The following C8orf34 variants were observed in gnomAD, a reference collection of about 807,000 sequenced individuals.
C8orf34 encodes uncharacterized protein C8orf34.
A neutral mutation model predicts 68.3 loss-of-function variants in C8orf34; 65 were observed. That is an observed-to-expected ratio of 0.95 (90% CI 0.78 to 1.17). C8orf34 has a LOEUF of 1.17. Ranked by LOEUF, C8orf34 falls within the 50% of genes most tolerant of loss-of-function variation. The pLI, the probability that C8orf34 is intolerant of heterozygous loss-of-function variation, is 0.00. For missense variants in C8orf34, 664 were observed against 655.4 expected (o/e 1.01, Z -0.14); for synonymous variants, 244 against 241.2 (o/e 1.01, Z -0.11).
At chr8:68,512,170 A>G (rs1368442969) in intron 5 of C8orf34, among the ~76,000 whole-genome samples, 2 of 152,244 alleles carry the variant, frequency 1.3e-5, no homozygotes, top group Non-Finnish European at 2.9e-5. Flanking sequence ...AACACAACTG[A>G]CAAAGAAGTT....
At chr8:68,772,517 G>C (rs545321238) in intron 10 of C8orf34, among the ~76,000 whole-genome samples, 2 of 152,280 alleles carry the variant, frequency 1.3e-5, no homozygotes, top group South Asian at 4.1e-4. Context: ...ACGTTAAGCA[G>C]TAATCACATC....
chr8:68,686,153 C>G (rs372371377), intron 8 of C8orf34, among the ~76,000 whole-genome samples: 18 of 151,898 alleles, frequency 1.2e-4, no homozygotes, highest in African/African-American at 4.1e-4. Flanking sequence ...ACCACCACCA[C>G]CAACAACAGA....
At chr8:68,441,276 A>G (rs1810899439) in intron 2 of C8orf34, among the ~76,000 whole-genome samples, 1 of 152,108 alleles carries the variant, frequency 6.6e-6, no homozygotes, top group African/African-American at 2.4e-5. Context: ...TTCCAAGCTC[A>G]TTTGGGTTGT....
chr8:68,430,858 A>G (rs1276712150), intron 1 of C8orf34, among the ~76,000 whole-genome samples: 2 of 151,926 alleles, frequency 1.3e-5, no homozygotes, highest in Non-Finnish European at 2.9e-5. Flanking sequence ...CAAACAGGCA[A>G]CCCCTCTTCT....
At chr8:68,639,676 A>G (rs1347366369) in intron 7 of C8orf34, among the ~76,000 whole-genome samples, 2 of 152,210 alleles carry the variant, frequency 1.3e-5, no homozygotes, top group Admixed American at 6.6e-5. Context: ...CTGAAAAAGT[A>G]GGAGATCATA....
intron 1 of C8orf34, among the ~76,000 whole-genome samples, chr8:68,379,855 ATTTG>A (rs567298260): frequency 7.4e-4 from 112 of 151,950 alleles, no homozygotes; most frequent in Non-Finnish European, 1.4e-3. Context: ...GTTTTTGTTT[ATTTG>A]TTTGTTTTTC....
At chr8:68,620,665 A>C (rs1453884481) in intron 7 of C8orf34, among the ~76,000 whole-genome samples, 1 of 65,830 alleles carries the variant, frequency 1.5e-5, no homozygotes, top group Non-Finnish European at 4.4e-5. Flanking sequence ...TATCTGTGTC[A>C]AAAAAAAAAA....
chr8:68,634,732 G>A (rs1001201821), intron 7 of C8orf34, among the ~76,000 whole-genome samples: 4 of 152,054 alleles, frequency 2.6e-5, no homozygotes, highest in African/African-American at 9.7e-5. Context: ...ACCTTTTAGA[G>A]CTTGGTAAGT....
At chr8:68,512,488 T>C (rs1322528157) in intron 5 of C8orf34, among the ~76,000 whole-genome samples, 5 of 152,180 alleles carry the variant, frequency 3.3e-5, no homozygotes, top group African/African-American at 7.2e-5. Context: ...CTGTCAAATA[T>C]GTTCGAGATT....
rs190759714 is a variant in C8orf34, at chr8:68,606,643, G to A, written c.1106-33733G>A. ...TAAATTTGTAGCTAAATCAACACAG[G>A]CAACATGATACCCTGCCTCCTAATC... On this transcript the variant is annotated intron_variant, in intron 7 of 13. Transcript: ENST00000518698. Among the ~76,000 whole-genome samples, 533 of 152,122 alleles carry A rather than the reference G, an allele frequency of 3.5e-3. 3 individuals carry two copies. The highest frequency in any genetic ancestry group is 5.3e-3 in the Non-Finnish European group (363 of 67,992).
At chr8:68,453,557 T>C (rs547629750) in intron 3 of C8orf34, among the ~76,000 whole-genome samples, 1 of 152,160 alleles carries the variant, frequency 6.6e-6, no homozygotes, top group East Asian at 1.9e-4. Context: ...TTGTTTCTTA[T>C]TTTCATTTTT....
At chr8:68,614,818 C>T (rs1222718449) in intron 7 of C8orf34, among the ~76,000 whole-genome samples, 1 of 151,128 alleles carries the variant, frequency 6.6e-6, no homozygotes, top group African/African-American at 2.4e-5. Flanking sequence ...TTTTCCAATT[C>T]TGTGAAGAAA....
intron 1 of C8orf34, among the ~76,000 whole-genome samples, chr8:68,359,299 T>A (rs1362927396): frequency 6.6e-6 from 1 of 152,168 alleles, no homozygotes; most frequent in Admixed American, 6.5e-5. Context: ...GAGCAACCCA[T>A]TCAATTTTCC....
rs1440353991 is a variant in C8orf34, at chr8:68,596,386, A to G, written c.1106-43990A>G. Among the ~76,000 whole-genome samples the G allele has an allele frequency of 3.5e-4, 53 of 152,150 alleles. 1 individual carries two copies. The highest frequency in any genetic ancestry group is 3.5e-3 in the Admixed American group (53 of 15,258). ...GCTTACTCTGAACACATTTACCTTT[A>G]GAAATTAATATATTATTTTTAAATG... On this transcript the variant is annotated intron_variant, in intron 7 of 13. Coordinates refer to ENST00000518698, the MANE Select transcript of C8orf34 (RefSeq NM_052958.4).
intron 10 of C8orf34, among the ~76,000 whole-genome samples, chr8:68,775,156 C>G (rs752209141): frequency 1.3e-5 from 2 of 151,590 alleles, no homozygotes; most frequent in Non-Finnish European, 2.9e-5. Context: ...GCACTTCACT[C>G]TACCCCTCTT....
chr8:68,680,075 G>A (rs750498967), intron 8 of C8orf34, among the ~76,000 whole-genome samples: 1 of 152,216 alleles, frequency 6.6e-6, no homozygotes, highest in Admixed American at 6.5e-5. Flanking sequence ...GGACAAATGA[G>A]ATCACATCAA....
At chr8:68,584,726 A>G (rs1028490985) in intron 7 of C8orf34, among the ~76,000 whole-genome samples, 11 of 152,148 alleles carry the variant, frequency 7.2e-5, no homozygotes, top group Admixed American at 2.0e-4. Flanking sequence ...TCATGACTGT[A>G]ACTTCCTCTG....
chr8:68,600,631 G>T (rs1046773628), intron 7 of C8orf34, among the ~76,000 whole-genome samples: 2 of 151,908 alleles, frequency 1.3e-5, no homozygotes, highest in African/African-American at 4.8e-5. Flanking sequence ...AACATTTTTT[G>T]TTGATACATA....
chr8:68,773,113 G>T (rs1823401475), intron 10 of C8orf34, among the ~76,000 whole-genome samples: 1 of 152,092 alleles, frequency 6.6e-6, no homozygotes, highest in Non-Finnish European at 1.5e-5. Flanking sequence ...AAGGACATCT[G>T]AAACTCATAG....
Sources: allele counts gnomAD v4.1 joint callset (sites outside exome capture counted in the v4.1 genomes callset), GRCh38; gene constraint gnomAD v4.1.1; transcripts MANE v1.5; gene names NCBI Gene and HGNC (gene_info 2026-07-23, HGNC 2026-07-21).